Variants in MBTD1 observed in about 807,000 individuals in gnomAD.
MBTD1 encodes mbt domain containing 1.
Under a neutral mutation model 87.8 loss-of-function variants are expected in MBTD1, and 24 were observed. That is an observed-to-expected ratio of 0.27 (90% confidence interval 0.20 to 0.38). The LOEUF (loss-of-function observed/expected upper bound fraction) is 0.38, where lower values mean the gene tolerates loss of function less well. Ranked by LOEUF, MBTD1 falls within the 10% of genes least tolerant of loss-of-function variation. MBTD1 has a pLI of 1.00. For synonymous variants in MBTD1, 237 were observed against 248.6 expected (o/e 0.95, Z 0.44); for missense variants, 436 against 760.2 (o/e 0.57, Z 5.02).
At chr17:51,246,829 G>A (rs539071932) in intron 2 of MBTD1, among the ~76,000 whole-genome samples, 3 of 151,898 alleles carry the variant, frequency 2.0e-5, no homozygotes, top group Non-Finnish European at 4.4e-5. Context: ...TAGTAGAGAC[G>A]GGGTTTCACC....
intron 2 of MBTD1, among the ~76,000 whole-genome samples, chr17:51,248,307 G>T (rs1365151009): frequency 2.6e-5 from 4 of 152,122 alleles, no homozygotes; most frequent in Admixed American, 2.6e-4. Context: ...TTTCATTTAT[G>T]TAAGTGTTTA....
chr17:51,259,955 A>AG lies in MBTD1; in HGVS notation c.-234dup. On this transcript the variant is annotated 5_prime_UTR_variant, in exon 1 of 17. Coordinates refer to ENST00000586178, the MANE Select transcript of MBTD1 (RefSeq NM_017643.3). ...CTCTCCCCGGGACTGCGGCGACTAC[A>AG]GGGGGCCCCCGGCTGGGCCCAGACC... 8.8e-7 allele frequency: 1 copy of AG among 1,133,798 alleles called. No individual in the cohort carries two copies. Among genetic ancestry groups the AG allele is most frequent in the Non-Finnish European group, 1.1e-6 (1 of 898,432 alleles). 70.2% of individuals were successfully genotyped at this position (1,133,798 alleles called of 1,614,324 possible).
chr17:51,205,340 T>C (rs2143200978), intron 7 of MBTD1, among the ~76,000 whole-genome samples: 1 of 152,334 alleles, frequency 6.6e-6, no homozygotes, highest in African/African-American at 2.4e-5. Context: ...ATGATGCAGT[T>C]AGATAAAACA....
chr17:51,221,765 T>C (rs2052907063), intron 3 of MBTD1, among the ~76,000 whole-genome samples: 1 of 152,212 alleles, frequency 6.6e-6, no homozygotes, highest in South Asian at 2.1e-4. Context: ...AATCTAGACA[T>C]GATTTAAAGT....
At chr17:51,236,655 G>A (rs1241704771) in intron 2 of MBTD1, among the ~76,000 whole-genome samples, 1 of 152,108 alleles carries the variant, frequency 6.6e-6, no homozygotes, top group Non-Finnish European at 1.5e-5. Context: ...CCCGAGGCAG[G>A]GAGGCCTCTG....
chr17:51,202,008 T>C lies in MBTD1; in HGVS notation c.1119+14A>G. On this transcript the variant is annotated intron_variant, in intron 11 of 16. Transcript: ENST00000586178. ...CCTAATTTACAAATGAGGGTTCTTA[T>C]AAAAACTTCTTACCTTAGCAAATAA... The C allele has an allele frequency of 6.3e-7, 1 of 1,584,106 alleles. No individual in the cohort carries two copies. The highest frequency in any genetic ancestry group is 8.7e-7 in the Non-Finnish European group (1 of 1,155,874).
chr17:51,195,254 A>C lies in MBTD1; in HGVS notation c.1332T>G (p.Gly444=), dbSNP rs755730081. 9.2e-5 allele frequency: 148 copies of C among 1,613,542 alleles called. 1 individual carries two copies. Among genetic ancestry groups the C allele is most frequent in the Middle Eastern group, 6.6e-4 (4 of 6,084 alleles). The change falls in exon 13 of 17, where the codon GGT becomes GGG. Residue 444 remains glycine (G), a synonymous_variant. Transcript: ENST00000586178. ...HATSPSIFPV[G]FCEINMIELT... Reference sequence around the variant, plus strand: ...GTTCAATCATGTTAATTTCACAGAAACCGACAGGGAAAATAGAAGGAGAGG... The same window carrying C: ...GTTCAATCATGTTAATTTCACAGAACCCGACAGGGAAAATAGAAGGAGAGG...
intron 2 of MBTD1, among the ~76,000 whole-genome samples, chr17:51,254,007 G>T (rs1182293747): frequency 6.6e-6 from 1 of 152,150 alleles, no homozygotes; most frequent in Non-Finnish European, 1.5e-5. Context: ...CACCAGATAT[G>T]AATAAACTCA....
At chr17:51,213,225 TCTCA>T (rs1395048088) in intron 6 of MBTD1, among the ~76,000 whole-genome samples, 2 of 151,398 alleles carry the variant, frequency 1.3e-5, no homozygotes, top group Non-Finnish European at 2.9e-5. Flanking sequence ...AGAAATGAGG[TCTCA>T]CTATGTTGCT....
At chr17:51,210,410 A>G (rs1412183826) in intron 6 of MBTD1, among the ~76,000 whole-genome samples, 4 of 152,148 alleles carry the variant, frequency 2.6e-5, no homozygotes, top group African/African-American at 9.7e-5. Flanking sequence ...AAGTAAGATT[A>G]AGGCTGAGAT....
intron 12 of MBTD1, among the ~76,000 whole-genome samples, chr17:51,198,194 T>C (rs934201846): frequency 1.3e-5 from 2 of 152,182 alleles, no homozygotes; most frequent in African/African-American, 4.8e-5. Context: ...TTAATCTCTG[T>C]CTTGACTTTG....
intron 2 of MBTD1, among the ~76,000 whole-genome samples, chr17:51,234,220 C>T (rs2053696474): frequency 1.3e-5 from 2 of 151,678 alleles, no homozygotes; most frequent in African/African-American, 4.8e-5. Context: ...TAGCAAAACC[C>T]CATCTCTACT....
chr17:51,260,610 T>G, upstream of MBTD1: 2 of 1,612,500 alleles, frequency 1.2e-6, no homozygotes, highest in Non-Finnish European at 1.7e-6. Flanking sequence ...AGGAGACGAA[T>G]GAAACTGGAC....
At position 51,242,788 on chromosome 17, in the gene MBTD1, T is replaced by C. The variant is rs147597695; in HGVS notation, c.-49+16355A>G. 6.6e-5 allele frequency among the ~76,000 whole-genome samples: 10 copies of C among 152,326 alleles called. No homozygotes were observed. In the East Asian group the frequency reaches 1.9e-3, roughly 29 times the overall value. ...GTGTACATTTTGAAAAAGTAAACAGTATATGTACAGCTATATATATGTTTT... is the reference window on the plus strand; with the variant it reads ...GTGTACATTTTGAAAAAGTAAACAGCATATGTACAGCTATATATATGTTTT... On this transcript the variant is annotated intron_variant, in intron 2 of 16. Coordinates refer to ENST00000586178, the MANE Select transcript of MBTD1 (RefSeq NM_017643.3).
At chr17:51,236,524 C>A (rs140151359) in intron 2 of MBTD1, among the ~76,000 whole-genome samples, 4 of 152,310 alleles carry the variant, frequency 2.6e-5, no homozygotes, top group African/African-American at 9.6e-5. Flanking sequence ...GGATTACAGG[C>A]ATGAGCTGCT....
At chr17:51,238,035 T>C (rs1316055779) in intron 2 of MBTD1, among the ~76,000 whole-genome samples, 2 of 152,076 alleles carry the variant, frequency 1.3e-5, no homozygotes, top group African/African-American at 2.4e-5. Flanking sequence ...TTTTTACAAA[T>C]GCAAACTAGC....
At chr17:51,202,098 C>T (rs2051524214) in intron 10 of MBTD1, 21 bp from the exon 11 acceptor site, 1 of 1,514,198 alleles carries the variant, frequency 6.6e-7, no homozygotes, top group Non-Finnish European at 9.2e-7. Context: ...AAGTTACACA[C>T]TAATCTGTCA....
chr17:51,203,258 T>C, intron 8 of MBTD1, 30 bp from the exon 9 acceptor site: 1 of 1,190,774 alleles, frequency 8.4e-7, no homozygotes, highest in Non-Finnish European at 1.2e-6. Context: ...CAGTTATACT[T>C]TAGCAAAAAA....
chr17:51,196,279 A>C (rs1336031186), intron 12 of MBTD1, among the ~76,000 whole-genome samples: 1 of 148,006 alleles, frequency 6.8e-6, no homozygotes. Context: ...GCTGGAGTGC[A>C]ATGGGTCAAT....
Sources: gnomAD v4.1 joint callset for allele counts (sites outside exome capture counted in the v4.1 genomes callset) on GRCh38, gnomAD v4.1.1 for gene constraint, MANE v1.5 for transcripts, NCBI Gene and HGNC (gene_info 2026-07-23, HGNC 2026-07-21) for gene names.